CDH4: variants seen among roughly 807,000 people sequenced by gnomAD.
CDH4 encodes the protein cadherin-4.
CDH4 carries 33 observed loss-of-function variants against 86.0 expected under a neutral mutation model. The ratio of observed to expected loss-of-function variants is 0.38; its 90% confidence interval spans 0.29 to 0.51. The LOEUF (loss-of-function observed/expected upper bound fraction) is 0.51, where lower values mean the gene tolerates loss of function less well. CDH4 is among the 20% of genes least tolerant of loss of function. The pLI, the probability that CDH4 is intolerant of heterozygous loss-of-function variation, is 0.86. For missense variants in CDH4, 1,114 were observed against 1,307.4 expected, an observed-to-expected ratio of 0.85 and a Z score of 2.28; for synonymous variants, 555 against 549.4, an observed-to-expected ratio of 1.01 and a Z score of -0.14.
intron 6 of CDH4, among the ~76,000 whole-genome samples, chr20:61,872,079 G>A (rs1983829664): frequency 6.6e-6 from 1 of 152,206 alleles, no homozygotes; most frequent in African/African-American, 2.4e-5. Flanking sequence ...TGGGGTCCTG[G>A]AAATAAGCAG....
chr20:61,725,698 C>CCT lies in CDH4; in HGVS notation c.170-17861_170-17860dup, dbSNP rs1320037204. On this transcript the variant is annotated intron_variant, in intron 2 of 15. Coordinates refer to ENST00000614565, the MANE Select transcript of CDH4 (RefSeq NM_001794.5). ...CCGTCAAGAGTCGCCCCTACCTCCA[C>CCT]CTCTCCAGTGGGCTTTCCCATCTGC... Among the ~76,000 whole-genome samples the CCT allele has an allele frequency of 2.6e-5, 4 of 152,174 alleles. No individual in the cohort carries two copies. In the South Asian group the frequency reaches 8.4e-4, roughly 32 times the overall value.
chr20:61,542,004 G>A (rs564932154), intron 2 of CDH4, among the ~76,000 whole-genome samples: 2 of 152,236 alleles, frequency 1.3e-5, no homozygotes, highest in South Asian at 2.1e-4. Flanking sequence ...ACCACATGCC[G>A]AACCATTTAA....
At position 61,623,561 on chromosome 20, in the gene CDH4, G is replaced by A. The variant is rs2086798352; in HGVS notation, c.170-120002G>A. Among the ~76,000 whole-genome samples the A allele has an allele frequency of 6.6e-6, 1 of 152,066 alleles. No individual in the cohort carries two copies. The highest frequency in any genetic ancestry group is 2.1e-4 in the South Asian group (1 of 4,816). On this transcript the variant is annotated intron_variant, in intron 2 of 15. Coordinates refer to ENST00000614565, the MANE Select transcript of CDH4 (RefSeq NM_001794.5). This position sits in a 1 kb window ranked among gnomAD's most constrained non-coding sequence, Gnocchi z 4.4. ...CAAACCATATCAAGAGAGCCCGCAG[G>A]GTCATCAAGAGCTAGACCCAGCGGC...
chr20:61,886,863 C>T (rs1262164762), intron 7 of CDH4, among the ~76,000 whole-genome samples: 1 of 152,188 alleles, frequency 6.6e-6, no homozygotes, highest in African/African-American at 2.4e-5. Flanking sequence ...AGGTGCCAGA[C>T]ACTTCTGAGA....
chr20:61,401,445 G>T (rs1196662685), intron 2 of CDH4, among the ~76,000 whole-genome samples: 1 of 152,156 alleles, frequency 6.6e-6, no homozygotes, highest in African/African-American at 2.4e-5. Context: ...CTACCATGGG[G>T]CTGTCATGAA....
intron 3 of CDH4, among the ~76,000 whole-genome samples, chr20:61,751,404 G>T (rs568296356): frequency 4.3e-4 from 65 of 152,300 alleles, no homozygotes; most frequent in African/African-American, 1.5e-3. Flanking sequence ...AAGCAAAGAT[G>T]ATTAGATAGA....
chr20:61,662,082 A>C (rs1453587623), intron 2 of CDH4, among the ~76,000 whole-genome samples: 2 of 151,978 alleles, frequency 1.3e-5, no homozygotes, highest in East Asian at 1.9e-4. Context: ...TCTGGGATTT[A>C]CCTCCAAGAA....
intron 2 of CDH4, among the ~76,000 whole-genome samples, chr20:61,736,162 C>T (rs747739968): frequency 3.9e-5 from 6 of 152,164 alleles, no homozygotes; most frequent in Non-Finnish European, 8.8e-5. Context: ...GTCCCCACCC[C>T]GAAGGTGTAG....
intron 2 of CDH4, among the ~76,000 whole-genome samples, chr20:61,567,971 T>A (rs536784938): frequency 6.6e-6 from 1 of 152,096 alleles, no homozygotes; most frequent in East Asian, 1.9e-4. Context: ...AAACCCTATC[T>A]CTAATAAAAA....
chr20:61,342,512 A>G (rs973891065), intron 2 of CDH4, among the ~76,000 whole-genome samples: 17 of 152,198 alleles, frequency 1.1e-4, no homozygotes, highest in African/African-American at 4.1e-4. Context: ...TAATGCTGCC[A>G]CTGATCTGAT....
chr20:61,574,820 A>G (rs1357804784), intron 2 of CDH4, among the ~76,000 whole-genome samples: 3 of 152,192 alleles, frequency 2.0e-5, no homozygotes, highest in Non-Finnish European at 4.4e-5. Context: ...GGGTTCTCAT[A>G]GAAGTGCCAG....
chr20:61,659,514 T>C (rs2087228086), intron 2 of CDH4, among the ~76,000 whole-genome samples: 1 of 151,698 alleles, frequency 6.6e-6, no homozygotes, highest in South Asian at 2.1e-4. Flanking sequence ...GAGCGAAGGG[T>C]CTCAGCGGCT....
At chr20:61,311,296 G>C (rs6028104) in intron 2 of CDH4, among the ~76,000 whole-genome samples, 112,328 of 152,148 alleles carry the variant, frequency 0.74, 42,503 homozygotes, top group Non-Finnish European at 0.82. Context: ...AATGAAATCA[G>C]AAAGGAAAAG....
At chr20:61,305,167 C>G (rs1236119072) in intron 2 of CDH4, among the ~76,000 whole-genome samples, 2 of 151,706 alleles carry the variant, frequency 1.3e-5, no homozygotes, top group Non-Finnish European at 2.9e-5. Context: ...TGATGTTGAG[C>G]CTGACTGTCC....
intron 2 of CDH4, among the ~76,000 whole-genome samples, chr20:61,607,779 C>A (rs1430284815): frequency 6.6e-6 from 1 of 152,206 alleles, no homozygotes; most frequent in African/African-American, 2.4e-5. Flanking sequence ...CAAAGGTTGC[C>A]TTGGGAAGGT....
chr20:61,753,787 C>A (rs2088526599), intron 3 of CDH4, among the ~76,000 whole-genome samples: 1 of 152,236 alleles, frequency 6.6e-6, no homozygotes, highest in Non-Finnish European at 1.5e-5. Flanking sequence ...GTCCCACGGC[C>A]AGGCGGGTCC....
At chr20:61,888,376 C>T (rs761159967) in intron 7 of CDH4, among the ~76,000 whole-genome samples, 2 of 152,198 alleles carry the variant, frequency 1.3e-5, no homozygotes, top group African/African-American at 2.4e-5. Flanking sequence ...TCCGTCCAGC[C>T]GCTGCAAGGG....
intron 2 of CDH4, among the ~76,000 whole-genome samples, chr20:61,664,547 G>A (rs1353539301): frequency 2.0e-5 from 3 of 152,240 alleles, no homozygotes; most frequent in African/African-American, 7.2e-5. Context: ...TTTTAAAGCA[G>A]CATGCGGAAA....
chr20:61,874,848 C>A (rs1449597616), intron 7 of CDH4, among the ~76,000 whole-genome samples: 1 of 152,248 alleles, frequency 6.6e-6, no homozygotes, highest in African/African-American at 2.4e-5. Flanking sequence ...CCTCGCTGGG[C>A]TCACAGCCAG....
Sources: allele counts gnomAD v4.1 joint callset (sites outside exome capture counted in the v4.1 genomes callset), GRCh38; gene constraint gnomAD v4.1.1; non-coding constraint Gnocchi (gnomAD v3.1); transcripts MANE v1.5; gene names NCBI Gene and HGNC (gene_info 2026-07-23, HGNC 2026-07-21).